WNT5B: variants seen among roughly 807,000 people sequenced by gnomAD.
WNT5B encodes the protein Wnt family member 5B, also known as protein Wnt-5b.
WNT5B carries 18 observed loss-of-function variants against 36.5 expected under a neutral mutation model. The ratio of observed to expected loss-of-function variants is 0.49; its 90% CI spans 0.34 to 0.73. WNT5B has a LOEUF of 0.73. Among genes scored for constraint, WNT5B ranks in the 30% least tolerant of loss-of-function variants. The pLI is 0.01. For synonymous variants in WNT5B, 213 were observed against 212.3 expected (o/e 1.00, Z -0.03); for missense variants, 424 against 508.4 (o/e 0.83, Z 1.60).
intron 4 of WNT5B, among the ~76,000 whole-genome samples, chr12:1,642,010 G>A (rs1035697266): frequency 6.6e-6 from 1 of 152,180 alleles, no homozygotes; most frequent in Non-Finnish European, 1.5e-5. Context: ...TCTTCCTTAC[G>A]CTTCCCCTAT....
intron 4 of WNT5B, 83 bp from the exon 5 acceptor site, chr12:1,645,711 C>A (rs984693592): frequency 1.8e-5 from 24 of 1,349,632 alleles, no homozygotes; most frequent in Admixed American, 6.7e-5. Flanking sequence ...CTCCTGTGTA[C>A]TAGGCCTGTG....
In WNT5B at chr12:1,631,337, G is replaced by A. The variant is rs544544625; in HGVS notation, c.-18G>A. On this transcript the variant is annotated 5_prime_UTR_variant, in exon 2 of 5. Transcript: ENST00000397196. ...GAAACTGTCAGTCCCAGGGCACTGGGGAGGGCTGAGGCCGACCATGCCCAG... is the reference window on the plus strand; with the variant it reads ...GAAACTGTCAGTCCCAGGGCACTGGAGAGGGCTGAGGCCGACCATGCCCAG... 4 of 1,614,012 alleles carry A rather than the reference G, an allele frequency of 2.5e-6. No individual in the cohort carries two copies. The African/African-American group carries it at 5.3e-5, about 22-fold the overall frequency.
chr12:1,639,862 C>T lies in WNT5B; in HGVS notation c.507C>T (p.Tyr169=), dbSNP rs746617101. Reference sequence around the variant, plus strand: ...GTGGGGACAACGTGGAGTACGGCTACCGCTTCGCCAAGGAGTTTGTGGATG... The same window carrying T: ...GTGGGGACAACGTGGAGTACGGCTATCGCTTCGCCAAGGAGTTTGTGGATG... ...GGCGDNVEYG[Y]RFAKEFVDAR... Residue 169 remains tyrosine (Y), a synonymous_variant, in exon 4 of 5, where the codon TAC becomes TAT. Transcript: ENST00000397196. The T allele has an allele frequency of 2.5e-6, 4 of 1,613,206 alleles. No homozygotes were observed. The highest frequency in any genetic ancestry group is 1.7e-4 in the Middle Eastern group (1 of 6,056).
chr12:1,641,305 G>A (rs1164685119), intron 4 of WNT5B, among the ~76,000 whole-genome samples: 2 of 150,872 alleles, frequency 1.3e-5, no homozygotes, highest in African/African-American at 2.5e-5. Flanking sequence ...AGAATTGCTT[G>A]AACCTGGGAG....
rs1475638851 is a variant in WNT5B at position 1,646,161 on chromosome 12, A to T, written c.989A>T (p.Gln330Leu). 38 of 1,613,660 alleles carry T rather than the reference A, an allele frequency of 2.4e-5. No homozygotes were observed. The highest frequency in any genetic ancestry group is 3.1e-5 in the Non-Finnish European group (36 of 1,180,038). Residue 330 changes from glutamine (Q) to leucine (L), a missense_variant, in exon 5 of 5, where the codon CAG becomes CTG. By Grantham distance (113) the Gln-to-Leu change is moderately radical. Transcript: ENST00000397196. ...GGCTACAACCAGTTCAAGAGCGTGCAGGTGGAGCGCTGCCACTGCAAGTTC... is the reference window on the plus strand; with the variant it reads ...GGCTACAACCAGTTCAAGAGCGTGCTGGTGGAGCGCTGCCACTGCAAGTTC... ...GRGYNQFKSV[Q>L]VERCHCKFHW...
At chr12:1,621,714 T>G (rs2154439268) in intron 1 of WNT5B, among the ~76,000 whole-genome samples, 1 of 151,524 alleles carries the variant, frequency 6.6e-6, no homozygotes, top group South Asian at 2.1e-4. Flanking sequence ...GCTATTTTTT[T>G]TTTTTTTTTT....
chr12:1,639,823 G>A lies in WNT5B; in HGVS notation c.468G>A (p.Trp156Ter). The A allele has an allele frequency of 6.2e-7, 1 of 1,613,714 alleles. No individual in the cohort carries two copies. Among genetic ancestry groups the A allele is most frequent in the Non-Finnish European group, 8.5e-7 (1 of 1,179,812 alleles). Residue 156 changes from tryptophan (W) to a stop codon, truncating the protein, a stop_gained, in exon 4 of 5, where the codon TGG (tryptophan) becomes TGA (stop). Coordinates refer to ENST00000397196, the MANE Select transcript of WNT5B (RefSeq NM_032642.3). LOFTEE classifies it high-confidence loss of function. ...TARPKDLPRDWLWGGCGDNVE... is the reference protein window; with the variant it reads ...TARPKDLPRD ...GGCCCAAGGACCTGCCCCGGGACTG[G>A]CTGTGGGGCGGCTGTGGGGACAACG...
Position 1,632,676 on chromosome 12 carries a change from G to T in WNT5B, c.99G>T (p.Pro33=), listed in dbSNP as rs774388437. 2 of 1,605,746 alleles carry T rather than the reference G, an allele frequency of 1.2e-6. No homozygotes were observed. The highest frequency in any genetic ancestry group is 1.3e-5 in the African/African-American group (1 of 74,836). ...GTCCTAGGTCATTAGCTTTGAACCCGGTGCAGAGACCCGAGATGTTTATCA... is the reference window on the plus strand; with the variant it reads ...GTCCTAGGTCATTAGCTTTGAACCCTGTGCAGAGACCCGAGATGTTTATCA... ...ANSWWSLALN[P]VQRPEMFIIG... is the part of the protein sequence containing the mutation. The change falls in exon 3 of 5, where the codon CCG becomes CCT. Residue 33 remains proline, a synonymous_variant. Coordinates refer to ENST00000397196, the MANE Select transcript of WNT5B (RefSeq NM_032642.3). This position sits in a 1 kb window ranked among gnomAD's most constrained non-coding sequence, Gnocchi z 5.8.
chr12:1,628,160 C>CTTT (rs59145675), upstream of WNT5B, among the ~76,000 whole-genome samples: 1 of 145,922 alleles, frequency 6.9e-6, no homozygotes. Context: ...CTGACTCCCA[C>CTTT]TTTTTTTTTT....
chr12:1,631,201 G>T, intron 1 of WNT5B, 97 bp from the exon 2 acceptor site: 3 of 1,103,664 alleles, frequency 2.7e-6, no homozygotes, highest in Non-Finnish European at 3.8e-6. Context: ...CACGCAGCAC[G>T]TAAGCATCAG....
At chr12:1,623,187 G>GGTTTT (rs1334820900) in intron 1 of WNT5B, among the ~76,000 whole-genome samples, 2 of 58,366 alleles carry the variant, frequency 3.4e-5, no homozygotes, top group African/African-American at 7.2e-5. Flanking sequence ...GTTTTTTGTT[G>GGTTTT]TTTTTTTTTT....
upstream of WNT5B, among the ~76,000 whole-genome samples, chr12:1,625,793 A>G (rs1421444742): frequency 1.3e-5 from 2 of 151,788 alleles, no homozygotes; most frequent in Non-Finnish European, 2.9e-5. Flanking sequence ...CCTCCCAAGT[A>G]TCTGGAATTA....
At chr12:1,623,281 C>T (rs1210903197) in intron 1 of WNT5B, among the ~76,000 whole-genome samples, 1 of 137,452 alleles carries the variant, frequency 7.3e-6, no homozygotes, top group East Asian at 2.2e-4. Flanking sequence ...CTACAAGCTC[C>T]GTCTCCCAGG....
rs1377902674 is a variant in WNT5B at position 1,630,639 on chromosome 12, A to C, written c.-57-659A>C. Among the ~76,000 whole-genome samples, 1 of 152,214 alleles carries C rather than the reference A, an allele frequency of 6.6e-6. No homozygotes were observed. Among genetic ancestry groups the C allele is most frequent in the Non-Finnish European group, 1.5e-5 (1 of 68,040 alleles). ...CTAGGGAGGCACCACCTCAGCCGCC[A>C]GAGCTTTCCGGGCGGGCGGTTCGCG... On this transcript the variant is annotated intron_variant, in intron 1 of 4. Transcript: ENST00000397196. The surrounding 1 kb of genome is among the most constrained non-coding windows in gnomAD (Gnocchi z 5.3).
chr12:1,622,586 C>T (rs1013783624), intron 1 of WNT5B, among the ~76,000 whole-genome samples: 6 of 152,160 alleles, frequency 3.9e-5, no homozygotes, highest in African/African-American at 9.6e-5. Flanking sequence ...GTATGGAAGT[C>T]GAAGGGACTC....
upstream of WNT5B, among the ~76,000 whole-genome samples, chr12:1,627,945 G>A (rs527423906): frequency 3.3e-5 from 5 of 152,240 alleles, no homozygotes; most frequent in African/African-American, 1.2e-4. This position sits in a 1 kb window ranked among gnomAD's most constrained non-coding sequence, Gnocchi z 5.0. Flanking sequence ...CTGGCACTTA[G>A]AGCAGTAACT....
upstream of WNT5B, among the ~76,000 whole-genome samples, chr12:1,625,099 A>G (rs2094539279): frequency 6.6e-6 from 1 of 152,154 alleles, no homozygotes; most frequent in South Asian, 2.1e-4. Flanking sequence ...CTAGGAGTAG[A>G]AGGACATTGG....
chr12:1,619,012 A>G (rs532271976), intron 1 of WNT5B, among the ~76,000 whole-genome samples: 97 of 152,210 alleles, frequency 6.4e-4, no homozygotes, highest in Non-Finnish European at 1.1e-3. Flanking sequence ...TGTGTACCTT[A>G]TCACTGGGAA....
intron 1 of WNT5B, among the ~76,000 whole-genome samples, chr12:1,623,885 T>C (rs945659199): frequency 1.4e-4 from 21 of 152,178 alleles, no homozygotes; most frequent in African/African-American, 4.6e-4. Flanking sequence ...GCCTGGCCTG[T>C]TCTCAACCCA....
Sources: allele counts gnomAD v4.1 joint callset (sites outside exome capture counted in the v4.1 genomes callset), GRCh38; gene constraint gnomAD v4.1.1; non-coding constraint Gnocchi (gnomAD v3.1); transcripts MANE v1.5; gene names NCBI Gene and HGNC (gene_info 2026-07-23, HGNC 2026-07-21).